Variants in PDGFC observed in about 807,000 individuals in gnomAD.
The protein encoded by PDGFC is platelet-derived growth factor C.
Under a neutral mutation model 35.5 loss-of-function variants are expected in PDGFC, and 12 were observed. The ratio of observed to expected loss-of-function variants is 0.34; its 90% CI spans 0.22 to 0.55. The LOEUF is 0.55. Among genes scored for constraint, PDGFC ranks in the 20% least tolerant of loss-of-function variants. The pLI is 0.91. For synonymous variants in PDGFC, 159 were observed against 148.8 expected (o/e 1.07, Z -0.50); for missense variants, 322 against 412.4 (o/e 0.78, Z 1.90).
intron 2 of PDGFC, among the ~76,000 whole-genome samples, chr4:156,820,314 G>C (rs1046141515): frequency 4.6e-5 from 7 of 152,186 alleles, no homozygotes; most frequent in Non-Finnish European, 1.0e-4. Context: ...TAATGCTACA[G>C]AGAAATATTT....
intron 3 of PDGFC, among the ~76,000 whole-genome samples, chr4:156,798,950 T>C (rs1385449271): frequency 5.3e-5 from 8 of 152,228 alleles, no homozygotes; most frequent in Non-Finnish European, 1.2e-4. Flanking sequence ...TATTGGAAGC[T>C]GCCTGGGCTG....
intron 2 of PDGFC, among the ~76,000 whole-genome samples, chr4:156,831,415 C>T (rs1560831304): frequency 6.7e-6 from 1 of 149,234 alleles, no homozygotes; most frequent in African/African-American, 2.5e-5. Flanking sequence ...TGAGGCCAGC[C>T]TAGACAACAT....
At chr4:156,822,162 A>T (rs934708793) in intron 2 of PDGFC, among the ~76,000 whole-genome samples, 2 of 152,030 alleles carry the variant, frequency 1.3e-5, no homozygotes, top group Non-Finnish European at 2.9e-5. Flanking sequence ...GATCGAGACC[A>T]TCCTGGCTAA....
chr4:156,922,882 A>G (rs977315978), intron 1 of PDGFC, among the ~76,000 whole-genome samples: 1 of 152,148 alleles, frequency 6.6e-6, no homozygotes, highest in Non-Finnish European at 1.5e-5. Flanking sequence ...GACAGTAAGA[A>G]AAGTGCCAAG....
intron 2 of PDGFC, among the ~76,000 whole-genome samples, chr4:156,825,581 TAATAATAATAATAAGAAGAAGAAG>T (rs1382574528): frequency 4.0e-3 from 366 of 92,522 alleles, no homozygotes; most frequent in East Asian, 0.026. Flanking sequence ...ATAATAATAA[TAATAATAATAATAAGAAGAAGAAG>T]AAGAAGAAGA....
chr4:156,950,899 T>C (rs1345576287), intron 1 of PDGFC, among the ~76,000 whole-genome samples: 2 of 151,926 alleles, frequency 1.3e-5, no homozygotes, highest in Non-Finnish European at 2.9e-5. Flanking sequence ...TTCACATTTT[T>C]CTTCATGTAA....
intron 2 of PDGFC, among the ~76,000 whole-genome samples, chr4:156,831,895 C>G (rs1335898846): frequency 6.6e-6 from 1 of 152,152 alleles, no homozygotes. Flanking sequence ...ACTATTCCCA[C>G]AGTGAGCACT....
At chr4:156,961,317 A>G (rs1732338111) in intron 1 of PDGFC, among the ~76,000 whole-genome samples, 1 of 152,142 alleles carries the variant, frequency 6.6e-6, no homozygotes, top group South Asian at 2.1e-4. Flanking sequence ...ACAACAGGAG[A>G]TAAGTACCAC....
intron 1 of PDGFC, among the ~76,000 whole-genome samples, chr4:156,901,582 C>T (rs910300021): frequency 1.3e-5 from 2 of 151,268 alleles, no homozygotes; most frequent in Non-Finnish European, 2.9e-5. Context: ...GGGCAATGGC[C>T]GGGTATCTAT....
intron 1 of PDGFC, among the ~76,000 whole-genome samples, chr4:156,948,071 T>C (rs192721950): frequency 6.6e-6 from 1 of 151,970 alleles, no homozygotes; most frequent in Non-Finnish European, 1.5e-5. Context: ...CCATGTTTTT[T>C]ATCTCACACA....
At chr4:156,801,023 G>A (rs1731589732) in intron 3 of PDGFC, among the ~76,000 whole-genome samples, 2 of 152,232 alleles carry the variant, frequency 1.3e-5, no homozygotes, top group African/African-American at 2.4e-5. Context: ...TTATTCCCAA[G>A]GTCAAAATAT....
In PDGFC at chr4:156,862,414, T is replaced by C. The variant is rs571914601; in HGVS notation, c.119-11998A>G. On this transcript the variant is annotated intron_variant, in intron 1 of 5. Transcript: ENST00000502773. Reference sequence around the variant, plus strand: ...GATAAAGAGAATAAACTGAAGAACATTCAAAATTGAACACTGATGAAACTA... The same window carrying C: ...GATAAAGAGAATAAACTGAAGAACACTCAAAATTGAACACTGATGAAACTA... Among the ~76,000 whole-genome samples, 7 of 152,266 alleles carry C rather than the reference T, an allele frequency of 4.6e-5. No individual in the cohort carries two copies. In the East Asian group the frequency reaches 1.4e-3, roughly 29 times the overall value.
At position 156,850,210 on chromosome 4, in the gene PDGFC, T is replaced by C. The variant is rs773526220; in HGVS notation, c.314+11A>G. On this transcript the variant is annotated intron_variant, in intron 2 of 5. Transcript: ENST00000502773. ...TGTTACATTGTTGGGATTTCAAGTA[T>C]GATCACTTACTTGCATATGTCATCT... The C allele has an allele frequency of 1.4e-6, 2 of 1,433,944 alleles. No individual in the cohort carries two copies. The highest frequency in any genetic ancestry group is 2.4e-5 in the East Asian group (1 of 42,028). The allele number at this position is 1,433,944 out of a possible 1,614,324, so 88.8% of individuals were successfully genotyped here.
chr4:156,939,111 A>G (rs1251637884), intron 1 of PDGFC, among the ~76,000 whole-genome samples: 1 of 152,036 alleles, frequency 6.6e-6, no homozygotes, highest in African/African-American at 2.4e-5. Context: ...CCTTAAGATG[A>G]ATAAAGGCTG....
At chr4:156,926,828 G>C (rs1731427577) in intron 1 of PDGFC, among the ~76,000 whole-genome samples, 1 of 152,168 alleles carries the variant, frequency 6.6e-6, no homozygotes, top group Admixed American at 6.5e-5. Flanking sequence ...CTGGAGGACA[G>C]TGGCCCTCTT....
At chr4:156,901,295 A>T (rs1433867956) in intron 1 of PDGFC, among the ~76,000 whole-genome samples, 3 of 152,172 alleles carry the variant, frequency 2.0e-5, no homozygotes, top group Non-Finnish European at 1.5e-5. Context: ...AGGAGTCATG[A>T]GAAGTTTCTC....
chr4:156,767,523 T>C (rs1319724616), intron 5 of PDGFC, among the ~76,000 whole-genome samples: 1 of 152,060 alleles, frequency 6.6e-6, no homozygotes, highest in Admixed American at 6.6e-5. Context: ...ATTTTTGGTA[T>C]GAGAGGCAAA....
At chr4:156,841,759 G>T (rs1729211097) in intron 2 of PDGFC, among the ~76,000 whole-genome samples, 1 of 151,936 alleles carries the variant, frequency 6.6e-6, no homozygotes, top group South Asian at 2.1e-4. Flanking sequence ...ACCTATCTTG[G>T]TCTCCCAAAG....
intron 2 of PDGFC, among the ~76,000 whole-genome samples, chr4:156,829,667 A>G (rs1279813092): frequency 1.3e-5 from 2 of 152,124 alleles, no homozygotes; most frequent in African/African-American, 2.4e-5. Flanking sequence ...GACAGTTTCA[A>G]TTATATCACT....
Sources: allele counts gnomAD v4.1 joint callset (sites outside exome capture counted in the v4.1 genomes callset), GRCh38; gene constraint gnomAD v4.1.1; transcripts MANE v1.5; gene names NCBI Gene and HGNC (gene_info 2026-07-23, HGNC 2026-07-21).